PTPRD: variants seen among roughly 807,000 people sequenced by gnomAD.
PTPRD encodes protein tyrosine phosphatase receptor type D, also known as receptor-type tyrosine-protein phosphatase delta.
A neutral mutation model predicts 214.5 loss-of-function variants in PTPRD; 34 were observed. That is an observed-to-expected ratio of 0.16 (90% CI 0.12 to 0.21). The LOEUF (loss-of-function observed/expected upper bound fraction) is 0.21, where lower values mean the gene tolerates loss of function less well. PTPRD is among the 10% of genes least tolerant of loss of function. PTPRD has a pLI of 1.00. For synonymous variants in PTPRD, 1,128 were observed against 845.7 expected, an observed-to-expected ratio of 1.33 and a Z score of -5.79; for missense variants, 2,545 against 2,398.7, an observed-to-expected ratio of 1.06 and a Z score of -1.27.
chr9:9,044,708 G>C (rs77506482), intron 10 of PTPRD, among the ~76,000 whole-genome samples: 2,544 of 152,242 alleles, frequency 0.017, 28 homozygotes, highest in Non-Finnish European at 0.025. Flanking sequence ...GTCATTTTCT[G>C]CTTAAGGAGA....
chr9:9,933,749 C>G (rs1262318395), intron 5 of PTPRD, among the ~76,000 whole-genome samples: 1 of 148,526 alleles, frequency 6.7e-6, no homozygotes, highest in Non-Finnish European at 1.5e-5. Flanking sequence ...CTACAGAACT[C>G]TCCACCCCAA....
intron 11 of PTPRD, among the ~76,000 whole-genome samples, chr9:8,743,709 A>G (rs1296065006): frequency 6.6e-6 from 1 of 152,026 alleles, no homozygotes; most frequent in Non-Finnish European, 1.5e-5. Flanking sequence ...CTTCATGACC[A>G]AGAACCCAAT....
chr9:10,520,269 T>C (rs772616238), intron 2 of PTPRD, among the ~76,000 whole-genome samples: 8 of 152,146 alleles, frequency 5.3e-5, no homozygotes, highest in Non-Finnish European at 8.8e-5. Flanking sequence ...ATGAAGTAAA[T>C]TGTGGTGGTC....
intron 44 of PTPRD, among the ~76,000 whole-genome samples, chr9:8,326,785 G>T (rs1429578925): frequency 6.6e-6 from 1 of 150,786 alleles, no homozygotes; most frequent in African/African-American, 2.4e-5. Flanking sequence ...TTTAGTCTTG[G>T]GAGGGTGTAC....
chr9:9,021,018 A>G (rs2099567963), intron 10 of PTPRD, among the ~76,000 whole-genome samples: 2 of 152,154 alleles, frequency 1.3e-5, no homozygotes, highest in African/African-American at 4.8e-5. Flanking sequence ...AGGACACAAA[A>G]ACATAATATT....
intron 2 of PTPRD, among the ~76,000 whole-genome samples, chr9:10,611,717 C>A (rs2081019717): frequency 6.6e-6 from 1 of 152,182 alleles, no homozygotes; most frequent in Non-Finnish European, 1.5e-5. Flanking sequence ...GTGTCAAAGT[C>A]ACAGTCTCAG....
At chr9:9,235,443 G>T (rs2099965990) in intron 9 of PTPRD, among the ~76,000 whole-genome samples, 1 of 152,142 alleles carries the variant, frequency 6.6e-6, no homozygotes, top group Non-Finnish European at 1.5e-5. Context: ...ACTCTTCATG[G>T]AATGTAAGCA....
intron 10 of PTPRD, among the ~76,000 whole-genome samples, chr9:9,105,469 T>C (rs957072612): frequency 6.6e-6 from 1 of 152,196 alleles, no homozygotes; most frequent in Non-Finnish European, 1.5e-5. Flanking sequence ...ACAAAGGATG[T>C]TCCCTTTAAA....
chr9:9,329,594 T>C (rs1294045824), intron 9 of PTPRD, among the ~76,000 whole-genome samples: 1 of 152,158 alleles, frequency 6.6e-6, no homozygotes, highest in East Asian at 1.9e-4. Flanking sequence ...ATAGCCTGCT[T>C]TACAGAAAAA....
rs1357900689 is a variant in PTPRD at position 9,049,050 on chromosome 9, C to A, written c.-142-30315G>T. Among the ~76,000 whole-genome samples, 9 of 152,324 alleles carry A rather than the reference C, an allele frequency of 5.9e-5. No individual in the cohort carries two copies. In the East Asian group the frequency reaches 1.5e-3, roughly 26 times the overall value. The stretch of plus-strand genomic sequence containing the variant: ...TGGCCCACAGGCCAGCACTTGCCAT[C>A]CCTTGCTATATACCAAGCATCCAAT... On this transcript the variant is annotated intron_variant, in intron 10 of 45. Coordinates refer to ENST00000381196, the MANE Select transcript of PTPRD (RefSeq NM_002839.4).
intron 9 of PTPRD, among the ~76,000 whole-genome samples, chr9:9,362,699 C>T (rs984979651): frequency 2.6e-5 from 4 of 151,248 alleles, no homozygotes; most frequent in Admixed American, 6.6e-5. Flanking sequence ...AATAGAATAA[C>T]TATCCATTGT....
In PTPRD at chr9:8,586,194, G is replaced by A. The variant is rs922995622; in HGVS notation, c.352+47123C>T. Among the ~76,000 whole-genome samples the A allele has an allele frequency of 1.1e-4, 16 of 152,044 alleles. No homozygotes were observed. The South Asian group carries it at 1.7e-3, about 16-fold the overall frequency. On this transcript the variant is annotated intron_variant, in intron 14 of 45. Coordinates refer to ENST00000381196, the MANE Select transcript of PTPRD (RefSeq NM_002839.4). ...GTGTGCCTGTAATCCCAGCTACTTC[G>A]GAGGTTGAGGCAGGAGAATTGCTAG...
chr9:10,299,642 A>G (rs1349504278), intron 3 of PTPRD, among the ~76,000 whole-genome samples: 2 of 152,146 alleles, frequency 1.3e-5, no homozygotes. Context: ...CACCCTGTAG[A>G]CCATCAACCC....
chr9:8,419,850 A>T (rs2094229169), intron 35 of PTPRD, among the ~76,000 whole-genome samples: 1 of 152,242 alleles, frequency 6.6e-6, no homozygotes, highest in Middle Eastern at 3.4e-3. Flanking sequence ...AAAGAGAAAC[A>T]TGAGTTTTCC....
At chr9:9,957,456 C>G (rs1273654168) in intron 4 of PTPRD, among the ~76,000 whole-genome samples, 1 of 151,932 alleles carries the variant, frequency 6.6e-6, no homozygotes, top group Non-Finnish European at 1.5e-5. Context: ...TACAAGAGAG[C>G]AAGCATATTT....
intron 2 of PTPRD, among the ~76,000 whole-genome samples, chr9:10,501,496 G>A (rs190077259): frequency 6.5e-4 from 98 of 151,816 alleles, no homozygotes; most frequent in African/African-American, 2.1e-3. Context: ...TGTTTACTTC[G>A]TTGACTTCAA....
chr9:8,669,866 TAGGA>T (rs1450418894), intron 12 of PTPRD, among the ~76,000 whole-genome samples: 2 of 152,082 alleles, frequency 1.3e-5, no homozygotes, highest in African/African-American at 4.8e-5. Flanking sequence ...AGCAGTACTG[TAGGA>T]AGGAGGAGTG....
At chr9:10,488,191 C>T (rs942343445) in intron 2 of PTPRD, among the ~76,000 whole-genome samples, 1 of 151,808 alleles carries the variant, frequency 6.6e-6, no homozygotes, top group African/African-American at 2.4e-5. Flanking sequence ...CACGATGAAA[C>T]CCCATCTCTA....
At chr9:9,293,155 T>C (rs1369005081) in intron 9 of PTPRD, among the ~76,000 whole-genome samples, 2 of 151,636 alleles carry the variant, frequency 1.3e-5, no homozygotes, top group East Asian at 3.9e-4. Context: ...ACATAAATTA[T>C]TTAGAATTCT....
Sources: allele counts gnomAD v4.1 joint callset (sites outside exome capture counted in the v4.1 genomes callset), GRCh38; gene constraint gnomAD v4.1.1; transcripts MANE v1.5; gene names NCBI Gene and HGNC (gene_info 2026-07-23, HGNC 2026-07-21).